Variants in SNX14 observed in about 807,000 individuals in gnomAD.
SNX14 encodes the protein sorting nexin-14.
In SNX14, 93 loss-of-function variants were observed where a neutral mutation model predicts 133.8. That is an observed-to-expected ratio of 0.70 (90% CI 0.59 to 0.83). The LOEUF is 0.83. Among genes scored for constraint, SNX14 ranks in the 40% least tolerant of loss-of-function variants. The pLI, the probability that SNX14 is intolerant of heterozygous loss-of-function variation, is 0.00. For synonymous variants in SNX14, 368 were observed against 365.6 expected (o/e 1.01, Z -0.07); for missense variants, 945 against 1,094.9 (o/e 0.86, Z 1.93).
chr6:85,507,156 C>T, intron 28 of SNX14, 77 bp downstream of exon 28: 2 of 1,284,140 alleles, frequency 1.6e-6, no homozygotes, highest in East Asian at 2.3e-5. Flanking sequence ...GGTTTTCTTA[C>T]ATTTATGTCC....
chr6:85,564,202 T>C (rs1582963643), intron 6 of SNX14, among the ~76,000 whole-genome samples: 1 of 152,354 alleles, frequency 6.6e-6, no homozygotes, highest in Non-Finnish European at 1.5e-5. Context: ...TCCAAGTCTT[T>C]GCTATTGTGA....
chr6:85,524,166 C>T (rs557510109), intron 21 of SNX14, among the ~76,000 whole-genome samples: 5 of 149,264 alleles, frequency 3.3e-5, no homozygotes, highest in Admixed American at 2.7e-4. Flanking sequence ...TGGGCGACAG[C>T]GACAGACCAA....
intron 4 of SNX14, among the ~76,000 whole-genome samples, chr6:85,571,876 A>T (rs1795735389): frequency 6.6e-6 from 1 of 152,198 alleles, no homozygotes; most frequent in South Asian, 2.1e-4. Context: ...TATCATAAAG[A>T]TGACTGTTTT....
chr6:85,574,277 G>T lies in SNX14; in HGVS notation c.242C>A (p.Thr81Lys). 6.3e-7 allele frequency: 1 copy of T among 1,588,460 alleles called. No homozygotes were observed. Among genetic ancestry groups the T allele is most frequent in the Non-Finnish European group, 8.6e-7 (1 of 1,162,362 alleles). ...TTTTACCTTGGGTTTGTATTTTATTGTGAAGAATATATTTGGTAAGAGAGA... is the reference window on the plus strand; with the variant it reads ...TTTTACCTTGGGTTTGTATTTTATTTTGAAGAATATATTTGGTAAGAGAGA... The part of the protein sequence containing the change: ...PDSLLPNIFF[T>K]IKYKPKQLGL... The change falls in exon 2 of 29, where the codon ACA (threonine) becomes AAA (lysine). Residue 81 changes from threonine (T) to lysine (K), a missense_variant. Around this residue, in one of 3 missense-constraint regions of SNX14, gnomAD observed 514 missense variants for 538.8 expected, o/e 0.95. Coordinates refer to ENST00000314673, the MANE Select transcript of SNX14 (RefSeq NM_153816.6).
chr6:85,534,564 A>G (rs570661092), intron 17 of SNX14, among the ~76,000 whole-genome samples: 1 of 152,272 alleles, frequency 6.6e-6, no homozygotes, highest in South Asian at 2.1e-4. Flanking sequence ...TTTAATCCCA[A>G]TCAAGAATTT....
intron 1 of SNX14, among the ~76,000 whole-genome samples, chr6:85,580,929 C>T (rs1798869767): frequency 1.3e-5 from 2 of 152,124 alleles, no homozygotes; most frequent in Admixed American, 1.3e-4. Flanking sequence ...GGGAACTTGC[C>T]ACCCTGAAGG....
chr6:85,517,990 C>A lies in SNX14; in HGVS notation c.2148+18G>T. On this transcript the variant is annotated intron_variant, in intron 22 of 28. Coordinates refer to ENST00000314673, the MANE Select transcript of SNX14 (RefSeq NM_153816.6). ...TATGATTATCATGTTATAGAACACACATAAATCAGTTACTCACCTCTTTCA... is the reference window on the plus strand; with the variant it reads ...TATGATTATCATGTTATAGAACACAAATAAATCAGTTACTCACCTCTTTCA... 3 of 1,601,794 alleles carry A rather than the reference C, an allele frequency of 1.9e-6. No homozygotes were observed. The highest frequency in any genetic ancestry group is 2.6e-6 in the Non-Finnish European group (3 of 1,174,136).
chr6:85,516,021 T>C (rs4419647), intron 23 of SNX14, among the ~76,000 whole-genome samples: 112,465 of 152,122 alleles, frequency 0.74, 42,901 homozygotes, highest in African/African-American at 0.92. Context: ...CACCTAATAG[T>C]GTTACTATTA....
At position 85,538,837 on chromosome 6, in the gene SNX14, C is replaced by T. The variant is rs769798274; in HGVS notation, c.1475+1G>A. ...AAAAGAATCACATGCTCAAGACTTACCGAAAATCATCCAAACTTAGGCTAC... is the reference window on the plus strand; with the variant it reads ...AAAAGAATCACATGCTCAAGACTTATCGAAAATCATCCAAACTTAGGCTAC... On this transcript the variant is annotated splice_donor_variant, in intron 16 of 28. Transcript: ENST00000314673. LOFTEE classifies it high-confidence loss of function. 1.3e-5 allele frequency: 21 copies of T among 1,594,966 alleles called. No individual in the cohort carries two copies. The East Asian group carries it at 4.1e-4, about 31-fold the overall frequency.
At position 85,565,333 on chromosome 6, in the gene SNX14, T is replaced by A; in HGVS notation, c.548A>T (p.Lys183Met). ...FASVLIRRIH[K>M]VDIPSIITKK... is the part of the protein sequence containing the mutation. ...AAATTTCTCATTAAAAATATATACC[T>A]TGTGAATCCTTCTTATTAAGACAGA... Residue 183 changes from lysine (K) to methionine (M), a missense_variant and splice_region_variant, in exon 6 of 29, where the codon AAG becomes ATG. By Grantham distance (95) the Lys-to-Met change is moderately conservative. Transcript: ENST00000314673. 1 of 1,570,156 alleles carries A rather than the reference T, an allele frequency of 6.4e-7. No individual in the cohort carries two copies. The highest frequency in any genetic ancestry group is 8.7e-7 in the Non-Finnish European group (1 of 1,154,178).
intron 26 of SNX14, 198 bp from the exon 27 acceptor site, chr6:85,508,257 G>C (rs1289957501): frequency 1.8e-6 from 2 of 1,124,774 alleles, no homozygotes; most frequent in African/African-American, 3.3e-5. Flanking sequence ...GCAGTATCAT[G>C]TATCCCATTT....
At position 85,549,628 on chromosome 6, in the gene SNX14, C is replaced by G. The variant is rs530755513; in HGVS notation, c.791+95G>C. On this transcript the variant is annotated intron_variant, in intron 8 of 28. Coordinates refer to ENST00000314673, the MANE Select transcript of SNX14 (RefSeq NM_153816.6). ...AAATGAAAAGCTATTCATAGGCTAACCTCAAATTTTAGCATATGCCTATCA... is the reference window on the plus strand; with the variant it reads ...AAATGAAAAGCTATTCATAGGCTAAGCTCAAATTTTAGCATATGCCTATCA... 7,100 of 1,025,008 alleles carry G rather than the reference C, an allele frequency of 6.9e-3. 42 individuals are homozygous for G. Among genetic ancestry groups the G allele is most frequent in the Middle Eastern group, 0.028 (80 of 2,808 alleles). 63.5% of individuals were successfully genotyped at this position (1,025,008 alleles called of 1,614,324 possible).
chr6:85,508,228 T>C, intron 26 of SNX14, 169 bp from the exon 27 acceptor site: 1 of 1,293,598 alleles, frequency 7.7e-7, no homozygotes, highest in Non-Finnish European at 9.8e-7. Flanking sequence ...AAGAGGTTTC[T>C]ATGGTCAAGT....
At chr6:85,546,965 C>CAAAAA (rs375373506) in intron 12 of SNX14, 147 bp downstream of exon 12, 15 of 392,756 alleles carry the variant, frequency 3.8e-5, no homozygotes, top group Middle Eastern at 6.7e-4. Context: ...CCGCCTCAAA[C>CAAAAA]AAAAAAAAAA....
At chr6:85,530,140 T>C in intron 19 of SNX14, 52 bp downstream of exon 19, 2 of 1,142,006 alleles carry the variant, frequency 1.8e-6, no homozygotes. Context: ...GTCATAGTTT[T>C]AAAGAATGCT....
rs148838600 is a variant in SNX14 at position 85,558,045 on chromosome 6, T to C, written c.565A>G (p.Ile189Val). Residue 189 changes from isoleucine (I) to valine (V), a missense_variant, in exon 7 of 29, where the codon ATT (isoleucine) becomes GTT (valine). Physicochemically the swap from Ile to Val is conservative, Grantham distance 29. Around this residue, in one of 3 missense-constraint regions of SNX14, gnomAD observed 514 missense variants for 538.8 expected, o/e 0.95. Coordinates refer to ENST00000314673, the MANE Select transcript of SNX14 (RefSeq NM_153816.6). ...GCTTTTAATAGTTTCTTGGTTATAA[T>C]AGATGGAATATCCACCTAGAAAAAT... ...RRIHKVDIPSIITKKLLKAAM... is the reference protein window; with the variant it reads ...RRIHKVDIPSVITKKLLKAAM... 1.1e-5 allele frequency: 17 copies of C among 1,555,958 alleles called. No individual in the cohort carries two copies. The highest frequency in any genetic ancestry group is 5.4e-5 in the African/African-American group (4 of 73,588).
intron 26 of SNX14, among the ~76,000 whole-genome samples, chr6:85,512,464 A>C (rs991104485): frequency 6.6e-5 from 10 of 152,214 alleles, no homozygotes; most frequent in African/African-American, 2.4e-4. Context: ...TCCACTAAAA[A>C]TACAAAAATT....
rs897648701 is a variant in SNX14, at chr6:85,518,182, T to A, written c.2108-134A>T. 4.5e-6 allele frequency: 3 copies of A among 661,180 alleles called. No homozygotes were observed. In the African/African-American group the frequency reaches 5.5e-5, roughly 12 times the overall value. 41.0% of individuals were successfully genotyped at this position (661,180 alleles called of 1,614,324 possible). A position where few individuals can be genotyped will look rare whatever the true frequency, so the allele number is the denominator to read the frequency against. ...TGTAAAAGTATTTATGATTGACCAT[T>A]TCACACTCCATGGAAATTTTCAATA... On this transcript the variant is annotated intron_variant, in intron 21 of 28. Coordinates refer to ENST00000314673, the MANE Select transcript of SNX14 (RefSeq NM_153816.6).
Position 85,593,649 on chromosome 6 carries a change from T to A in SNX14, c.70A>T (p.Ile24Phe). 1 of 1,612,828 alleles carries A rather than the reference T, an allele frequency of 6.2e-7. No homozygotes were observed. Among genetic ancestry groups the A allele is most frequent in the Non-Finnish European group, 8.5e-7 (1 of 1,179,870 alleles). Residue 24 changes from isoleucine to phenylalanine, a missense_variant, in exon 1 of 29, where the codon ATC becomes TTC. Coordinates refer to ENST00000314673, the MANE Select transcript of SNX14 (RefSeq NM_153816.6). Reference sequence around the variant, plus strand: ...CAGAACAGCGGGTACTGGCGGCAGATCTCGCGTCCCACGTCCAGTCGCAGC... The same window carrying A: ...CAGAACAGCGGGTACTGGCGGCAGAACTCGCGTCCCACGTCCAGTCGCAGC... ...QRLRLDVGRE[I>F]CRQYPLFCFL...
Sources: allele counts gnomAD v4.1 joint callset (sites outside exome capture counted in the v4.1 genomes callset), GRCh38; gene constraint gnomAD v4.1.1; regional missense constraint gnomAD v4.1.1; transcripts MANE v1.5; gene names NCBI Gene and HGNC (gene_info 2026-07-23, HGNC 2026-07-21).